Variants in DEPDC1B observed in about 807,000 individuals in gnomAD.
DEPDC1B encodes DEP domain containing 1B.
A neutral mutation model predicts 66.5 loss-of-function variants in DEPDC1B; 51 were observed. The observed-to-expected ratio is 0.77, with a 90% CI of 0.61 to 0.97. The LOEUF is 0.97. DEPDC1B is among the 50% of genes least tolerant of loss of function. The probability of loss-of-function intolerance (pLI) is 0.00; values close to 1 mark genes in which losing one functional copy is unlikely to be tolerated. For synonymous variants in DEPDC1B, 226 were observed against 223.6 expected (o/e 1.01, Z -0.10); for missense variants, 552 against 637.1 (o/e 0.87, Z 1.44).
rs182118653 is a variant in DEPDC1B, at chr5:60,686,125, C to T, written c.314+837G>A. 3.7e-3 allele frequency among the ~76,000 whole-genome samples: 566 copies of T among 152,344 alleles called. 3 individuals are homozygous for T. Among genetic ancestry groups the T allele is most frequent in the African/African-American group, 0.013 (551 of 41,582 alleles). On this transcript the variant is annotated intron_variant, in intron 2 of 10. Coordinates refer to ENST00000265036, the MANE Select transcript of DEPDC1B (RefSeq NM_018369.3). ...TTCAGGTATGAAAGAGCCAGGTTGT[C>T]TCTGTGCAAAGCCATGTGTCCCAGT...
In DEPDC1B at chr5:60,687,115, T is replaced by C. The variant is rs373131717; in HGVS notation, c.161A>G (p.His54Arg). 2.9e-5 allele frequency: 47 copies of C among 1,614,112 alleles called. No homozygotes were observed. Among genetic ancestry groups the C allele is most frequent in the Non-Finnish European group, 3.6e-5 (43 of 1,180,054 alleles). ...GTTTTGACTGCACCTCAGCAGCTCATGCAGCCAATCCACAGCTTCGGCCGC... is the reference window on the plus strand; with the variant it reads ...GTTTTGACTGCACCTCAGCAGCTCACGCAGCCAATCCACAGCTTCGGCCGC... The part of the protein sequence containing the change: ...FTAAEAVDWL[H>R]ELLRCSQNFG... Residue 54 changes from histidine to arginine, a missense_variant, in exon 2 of 11, where the codon CAT becomes CGT. Coordinates refer to ENST00000265036, the MANE Select transcript of DEPDC1B (RefSeq NM_018369.3).
At chr5:60,662,351 G>T (rs1753736152) in intron 2 of DEPDC1B, among the ~76,000 whole-genome samples, 1 of 151,982 alleles carries the variant, frequency 6.6e-6, no homozygotes, top group Non-Finnish European at 1.5e-5. Flanking sequence ...TCACGCCACT[G>T]CACTCCAGCC....
chr5:60,678,281 G>A (rs558026821), intron 2 of DEPDC1B, among the ~76,000 whole-genome samples: 3 of 152,120 alleles, frequency 2.0e-5, no homozygotes, highest in African/African-American at 7.2e-5. Context: ...GCCACCCAGC[G>A]GTGCTACATT....
intron 1 of DEPDC1B, among the ~76,000 whole-genome samples, chr5:60,687,497 T>C (rs1007774807): frequency 6.6e-6 from 1 of 151,924 alleles, no homozygotes; most frequent in African/African-American, 2.4e-5. Flanking sequence ...TTTTATATTA[T>C]ATATATTTTA....
At chr5:60,697,128 A>C (rs1754673787) in intron 1 of DEPDC1B, among the ~76,000 whole-genome samples, 1 of 152,228 alleles carries the variant, frequency 6.6e-6, no homozygotes, top group South Asian at 2.1e-4. Context: ...ATTTATACCA[A>C]GTTTACAAAG....
At chr5:60,682,754 C>A (rs571029581) in intron 2 of DEPDC1B, among the ~76,000 whole-genome samples, 10 of 152,172 alleles carry the variant, frequency 6.6e-5, no homozygotes, top group South Asian at 4.1e-4. Flanking sequence ...AATAGAAAAT[C>A]TGTAATAGAT....
Position 60,667,558 on chromosome 5 carries a change from C to CAT in DEPDC1B, c.314+19402_314+19403dup, listed in dbSNP as rs1453252598. ...ATATATATAAAAAATGGATATTTTA[C>CAT]ATATATAAAAAAGTGGATATTTTAC... On this transcript the variant is annotated intron_variant, in intron 2 of 10. Coordinates refer to ENST00000265036, the MANE Select transcript of DEPDC1B (RefSeq NM_018369.3). 4.1e-4 allele frequency among the ~76,000 whole-genome samples: 57 copies of CAT among 138,498 alleles called. 2 individuals carry two copies. The highest frequency in any genetic ancestry group is 9.8e-4 in the African/African-American group (37 of 37,638). 90.9% of individuals were successfully genotyped at this position (138,498 alleles called of 152,430 possible). A position where few individuals can be genotyped will look rare whatever the true frequency, so the allele number is the denominator to read the frequency against.
At chr5:60,644,024 A>T (rs1431092524) in intron 5 of DEPDC1B, among the ~76,000 whole-genome samples, 1 of 152,208 alleles carries the variant, frequency 6.6e-6, no homozygotes, top group African/African-American at 2.4e-5. Context: ...CCATCTTCCC[A>T]CATCCAAAGA....
chr5:60,699,469 C>T (rs1169416660), intron 1 of DEPDC1B, among the ~76,000 whole-genome samples: 1 of 86,970 alleles, frequency 1.1e-5, no homozygotes, highest in East Asian at 2.4e-4. Flanking sequence ...AAAACAGGAA[C>T]TCAGAGTCGG....
intron 2 of DEPDC1B, among the ~76,000 whole-genome samples, chr5:60,676,313 G>A (rs1404512206): frequency 2.0e-5 from 3 of 150,102 alleles, no homozygotes; most frequent in Non-Finnish European, 3.0e-5. Flanking sequence ...ACACCAACAC[G>A]GCACATGTAT....
chr5:60,686,608 C>A (rs1485742312), intron 2 of DEPDC1B, among the ~76,000 whole-genome samples: 5 of 152,190 alleles, frequency 3.3e-5, no homozygotes, highest in Non-Finnish European at 7.3e-5. Context: ...ATATACCAAT[C>A]CCCATTGCTC....
chr5:60,656,412 T>A (rs1441196081), intron 2 of DEPDC1B, among the ~76,000 whole-genome samples: 2 of 152,156 alleles, frequency 1.3e-5, no homozygotes, highest in East Asian at 3.9e-4. Context: ...CCTCCCAAAG[T>A]GCTGGGATTA....
intron 7 of DEPDC1B, among the ~76,000 whole-genome samples, chr5:60,637,692 T>C (rs1753075439): frequency 6.6e-6 from 1 of 152,146 alleles, no homozygotes. Flanking sequence ...ACCAAGAAGG[T>C]CCAGTAGTCT....
intron 2 of DEPDC1B, among the ~76,000 whole-genome samples, chr5:60,675,648 C>T (rs1253710801): frequency 2.6e-5 from 4 of 152,230 alleles, no homozygotes; most frequent in South Asian, 4.1e-4. Context: ...ACAAAGCTTA[C>T]GGACTACATA....
chr5:60,660,518 A>T (rs1753689310), intron 2 of DEPDC1B, among the ~76,000 whole-genome samples: 1 of 152,226 alleles, frequency 6.6e-6, no homozygotes, highest in Non-Finnish European at 1.5e-5. Flanking sequence ...GACAACCCAC[A>T]GCCTTCCTAT....
At chr5:60,642,715 G>C in intron 6 of DEPDC1B, 97 bp downstream of exon 6, 4 of 813,006 alleles carry the variant, frequency 4.9e-6, no homozygotes, top group African/African-American at 1.7e-5. Context: ...TCTCACAGGT[G>C]TCACATCAAT....
intron 2 of DEPDC1B, among the ~76,000 whole-genome samples, chr5:60,656,975 T>C (rs1753591830): frequency 6.6e-6 from 1 of 152,248 alleles, no homozygotes; most frequent in Non-Finnish European, 1.5e-5. Flanking sequence ...AGCTCCAGTG[T>C]TAGGTACATA....
chr5:60,672,812 A>T (rs1754072235), intron 2 of DEPDC1B, among the ~76,000 whole-genome samples: 1 of 152,148 alleles, frequency 6.6e-6, no homozygotes, highest in Non-Finnish European at 1.5e-5. Flanking sequence ...CCTCATTCTA[A>T]ACCTGTGTTT....
At chr5:60,605,904 T>C (rs973645632) in intron 7 of DEPDC1B, 48 bp from the exon 8 acceptor site, 10 of 1,502,370 alleles carry the variant, frequency 6.7e-6, no homozygotes, top group African/African-American at 1.4e-5. Context: ...TATAGCCTAG[T>C]AGATTCTATA....
Sources: allele counts gnomAD v4.1 joint callset (sites outside exome capture counted in the v4.1 genomes callset), GRCh38; gene constraint gnomAD v4.1.1; transcripts MANE v1.5; gene names NCBI Gene and HGNC (gene_info 2026-07-23, HGNC 2026-07-21).